The following FDXACB1 variants were observed in gnomAD, a reference collection of about 807,000 sequenced individuals.
The protein encoded by FDXACB1 is ferredoxin-fold anticodon-binding domain-containing protein 1.
FDXACB1 carries 41 observed loss-of-function variants against 51.7 expected under a neutral mutation model. That is an observed-to-expected ratio of 0.79 (90% CI 0.62 to 1.03). The LOEUF (loss-of-function observed/expected upper bound fraction) is 1.03. Among genes scored for constraint, FDXACB1 ranks in the 50% least tolerant of loss-of-function variants. The probability of loss-of-function intolerance (pLI) is 0.00; values close to 1 mark genes in which losing one functional copy is unlikely to be tolerated. For synonymous variants in FDXACB1, 273 were observed against 278.6 expected (o/e 0.98, Z 0.20); for missense variants, 697 against 746.4 (o/e 0.93, Z 0.77).
intron 1 of FDXACB1, 65 bp downstream of exon 1, chr11:111,878,896 C>T (rs782269440): frequency 9.7e-6 from 15 of 1,551,016 alleles, no homozygotes; most frequent in Admixed American, 6.0e-5. Flanking sequence ...CCCACGCCCC[C>T]ACCCTTTCCA....
Position 111,876,907 on chromosome 11 carries a change from C to T in FDXACB1, c.434G>A (p.Trp145Ter). The T allele has an allele frequency of 1.2e-6, 2 of 1,613,134 alleles. No individual in the cohort carries two copies. Among genetic ancestry groups the T allele is most frequent in the Non-Finnish European group, 1.7e-6 (2 of 1,179,492 alleles). Reference sequence around the variant, plus strand: ...CAGGGCTGCCATGGCAACCACTTGCCAACTGTTGTGCCATTCTCTCTGGGG... The same window carrying T: ...CAGGGCTGCCATGGCAACCACTTGCTAACTGTTGTGCCATTCTCTCTGGGG... ...DKPQREWHNSWQVVAMAALGG... is the reference protein window; with the variant it reads ...DKPQREWHNS Residue 145 changes from tryptophan (W) to a stop codon, truncating the protein, a stop_gained, in exon 3 of 5, where the codon TGG becomes TAG. Coordinates refer to ENST00000260257, the MANE Select transcript of FDXACB1 (RefSeq NM_138378.3). LOFTEE classifies it high-confidence loss of function.
chr11:111,875,240 G>A lies in FDXACB1; in HGVS notation c.1557C>T (p.Val519=), dbSNP rs1223783681. Residue 519 remains valine, a synonymous_variant, in exon 5 of 5, where the codon GTC becomes GTT. Coordinates refer to ENST00000260257, the MANE Select transcript of FDXACB1 (RefSeq NM_138378.3). The stretch of plus-strand genomic sequence containing the variant: ...TTTTAAAGGGTTCTATTTTGCCAGG[G>A]ACAAAATTTTTCAGGAAACGGTTAT... The part of the protein sequence containing the change: ...TFDNRFLKNF[V]PGKIEPFKSH... 2 of 1,613,742 alleles carry A rather than the reference G, an allele frequency of 1.2e-6. No homozygotes were observed. Among genetic ancestry groups the A allele is most frequent in the East Asian group, 2.2e-5 (1 of 44,900 alleles).
chr11:111,874,883 C>T lies in FDXACB1; in HGVS notation c.*39G>A, dbSNP rs147879752. On this transcript the variant is annotated 3_prime_UTR_variant, in exon 5 of 5. Coordinates refer to ENST00000260257, the MANE Select transcript of FDXACB1 (RefSeq NM_138378.3). ...GTTGGTAATTTTCCTCCACATCCCC[C>T]GCAATGAAGGATCACACTGCAGAAA... 142 of 1,553,364 alleles carry T rather than the reference C, an allele frequency of 9.1e-5. No homozygotes were observed. The highest frequency in any genetic ancestry group is 1.2e-4 in the Non-Finnish European group (133 of 1,136,848).
intron 4 of FDXACB1, 31 bp downstream of exon 4, chr11:111,876,449 TG>T (rs782052793): frequency 1.9e-6 from 3 of 1,606,148 alleles, no homozygotes; most frequent in Non-Finnish European, 2.6e-6. Context: ...CAACTGGAGA[TG>T]GAAGTGATTT....
intron 3 of FDXACB1, 84 bp from the exon 4 acceptor site, chr11:111,876,723 G>A: frequency 4.4e-6 from 7 of 1,585,926 alleles, no homozygotes; most frequent in Admixed American, 1.8e-5. Context: ...AATTGGCAGG[G>A]CCTATTGAGT....
At chr11:111,877,512 CTTTTT>C (rs35506169) in intron 2 of FDXACB1, among the ~76,000 whole-genome samples, 4 of 106,916 alleles carry the variant, frequency 3.7e-5, no homozygotes, top group Non-Finnish European at 5.6e-5. Flanking sequence ...CTGTTAGTTA[CTTTTT>C]TTTTTTTTTT....
Position 111,875,997 on chromosome 11 carries a change from G to C in FDXACB1, c.800C>G (p.Pro267Arg). 6.2e-7 allele frequency: 1 copy of C among 1,613,982 alleles called. No individual in the cohort carries two copies. Among genetic ancestry groups the C allele is most frequent in the South Asian group, 1.1e-5 (1 of 91,088 alleles). The change falls in exon 5 of 5, where the codon CCT becomes CGT. Residue 267 changes from proline to arginine, a missense_variant. By Grantham distance (103) the Pro-to-Arg change is moderately radical. Transcript: ENST00000260257. ...FPLKRLKCSYPLLPQEGTSVL... is the reference protein window; with the variant it reads ...FPLKRLKCSYRLLPQEGTSVL... The stretch of plus-strand genomic sequence containing the variant: ...ACTGGTACCTTCCTGTGGCAGCAAA[G>C]GGTAGGAACACTTCAGCCTTTTTAG...
At chr11:111,877,465 T>C (rs1338971276) in intron 2 of FDXACB1, among the ~76,000 whole-genome samples, 1 of 152,046 alleles carries the variant, frequency 6.6e-6, no homozygotes. Context: ...TATAATCATG[T>C]AAAGCACTGT....
rs2137342210 is a variant in FDXACB1, at chr11:111,874,593, A to AC, written c.*328dup. On this transcript the variant is annotated 3_prime_UTR_variant, in exon 5 of 5. Coordinates refer to ENST00000260257, the MANE Select transcript of FDXACB1 (RefSeq NM_138378.3). ...GTGAAACCTCGTCTCTACTAAAAAT[A>AC]CAAAAAAAAAAATTAGCCAGGCGTG... 1 of 138,482 alleles carries AC rather than the reference A, an allele frequency of 7.2e-6. No individual in the cohort carries two copies. Among genetic ancestry groups the AC allele is most frequent in the Non-Finnish European group, 1.2e-5 (1 of 80,924 alleles). 8.6% of individuals were successfully genotyped at this position (138,482 alleles called of 1,614,324 possible).
At chr11:111,878,200 A>G (rs1555162484) in intron 2 of FDXACB1, among the ~76,000 whole-genome samples, 2 of 152,104 alleles carry the variant, frequency 1.3e-5, no homozygotes, top group Non-Finnish European at 2.9e-5. Context: ...TCAAAAAATA[A>G]AAATAAATAA....
Position 111,874,282 on chromosome 11 carries a change from G to A in FDXACB1, c.*640C>T, listed in dbSNP as rs553954043. Reference sequence around the variant, plus strand: ...CAGTGTGGAAAACATATTTATATTTGATGAGACACTTAAGTTCTACTGCCT... The same window carrying A: ...CAGTGTGGAAAACATATTTATATTTAATGAGACACTTAAGTTCTACTGCCT... On this transcript the variant is annotated 3_prime_UTR_variant, in exon 5 of 5. Coordinates refer to ENST00000260257, the MANE Select transcript of FDXACB1 (RefSeq NM_138378.3). 6.6e-6 allele frequency: 1 copy of A among 152,274 alleles called. No individual in the cohort carries two copies. The highest frequency in any genetic ancestry group is 2.4e-5 in the African/African-American group (1 of 41,538). The allele number at this position is 152,274 out of a possible 1,614,324, so 9.4% of individuals were successfully genotyped here. A position where few individuals can be genotyped will look rare whatever the true frequency, so the allele number is the denominator to read the frequency against.
Position 111,875,758 on chromosome 11 carries a change from G to A in FDXACB1, c.1039C>T (p.Leu347Phe). Residue 347 changes from leucine to phenylalanine, a missense_variant, in exon 5 of 5, where the codon CTT (leucine) becomes TTT (phenylalanine). Physicochemically the swap from Leu to Phe is conservative, Grantham distance 22. Around this residue, in one of 3 missense-constraint regions of FDXACB1, gnomAD observed 538 missense variants for 592.2 expected, o/e 0.91. Transcript: ENST00000260257. ...EGTCGQAKIC[L>F]RPSLLVHVQD... ...ACATGCACTAGGAGAGAAGGTCTAA[G>A]GCAGATCTTGGCCTGGCCACAGGTT... 6.2e-7 allele frequency: 1 copy of A among 1,613,642 alleles called. No homozygotes were observed. Among genetic ancestry groups the A allele is most frequent in the East Asian group, 2.2e-5 (1 of 44,884 alleles).
intron 2 of FDXACB1, among the ~76,000 whole-genome samples, chr11:111,877,407 T>G (rs1030321649): frequency 1.3e-5 from 2 of 152,226 alleles, no homozygotes; most frequent in Non-Finnish European, 2.9e-5. Flanking sequence ...AAAACTTTAT[T>G]GACAGCTATG....
chr11:111,878,497 C>T (rs1964869717), intron 2 of FDXACB1, 59 bp downstream of exon 2: 3 of 1,494,904 alleles, frequency 2.0e-6, no homozygotes, highest in Admixed American at 2.2e-5. Context: ...TGTTTGGGTA[C>T]AGTAACTATG....
intron 3 of FDXACB1, 46 bp from the exon 4 acceptor site, chr11:111,876,685 G>T (rs781913851): frequency 1.3e-6 from 2 of 1,596,140 alleles, no homozygotes. Flanking sequence ...ATTAAAATAA[G>T]CAAGTATTTT....
rs928989688 is a variant in FDXACB1, at chr11:111,874,862, G to A, written c.*60C>T. On this transcript the variant is annotated 3_prime_UTR_variant, in exon 5 of 5. Coordinates refer to ENST00000260257, the MANE Select transcript of FDXACB1 (RefSeq NM_138378.3). ...AGAAAGGACTACTGGTTGCAAGTTG[G>A]TAATTTTCCTCCACATCCCCCGCAA... is the stretch of plus-strand genomic sequence containing the variant. 18 of 1,475,916 alleles carry A rather than the reference G, an allele frequency of 1.2e-5. No individual in the cohort carries two copies. The East Asian group carries it at 3.5e-4, about 28-fold the overall frequency. The allele number at this position is 1,475,916 out of a possible 1,614,324, so 91.4% of individuals were successfully genotyped here.
rs1490765705 is a variant in FDXACB1, at chr11:111,874,722, C to T, written c.*200G>A. 4 of 565,752 alleles carry T rather than the reference C, an allele frequency of 7.1e-6. No homozygotes were observed. The highest frequency in any genetic ancestry group is 5.8e-5 in the African/African-American group (3 of 51,514). 35.0% of individuals were successfully genotyped at this position (565,752 alleles called of 1,614,324 possible). ...GTGAGCTGATATCATGCCACTGCCA[C>T]TGCACTCCCGCCTGGGCGGCAGAGC... On this transcript the variant is annotated 3_prime_UTR_variant, in exon 5 of 5. Coordinates refer to ENST00000260257, the MANE Select transcript of FDXACB1 (RefSeq NM_138378.3).
At position 111,878,540 on chromosome 11, in the gene FDXACB1, G is replaced by A. The variant is rs1398012262; in HGVS notation, c.329+16C>T. ...CATCTTAAACATTTTCCTTGTGAGG[G>A]CGCTCCTTTCCTCACCTTTGGAAAA... On this transcript the variant is annotated intron_variant, in intron 2 of 4. Coordinates refer to ENST00000260257, the MANE Select transcript of FDXACB1 (RefSeq NM_138378.3). 2 of 1,567,830 alleles carry A rather than the reference G, an allele frequency of 1.3e-6. No individual in the cohort carries two copies. The highest frequency in any genetic ancestry group is 3.8e-5 in the Admixed American group (2 of 52,332).
chr11:111,875,017 T>A lies in FDXACB1; in HGVS notation c.1780A>T (p.Thr594Ser). The A allele has an allele frequency of 6.2e-7, 1 of 1,613,946 alleles. No individual in the cohort carries two copies. The highest frequency in any genetic ancestry group is 1.1e-5 in the South Asian group (1 of 91,084). ...VSLCYRLTYQ[T>S]CDKALTQQQV... ...TGCTGGGTGAGGGCCTTGTCACAGG[T>A]CTGGTAGGTCAATCTATAGCAGAGA... The change falls in exon 5 of 5, where the codon ACC becomes TCC. Residue 594 changes from threonine (T) to serine (S), a missense_variant. Physicochemically the swap from Thr to Ser is moderately conservative, Grantham distance 58. Coordinates refer to ENST00000260257, the MANE Select transcript of FDXACB1 (RefSeq NM_138378.3).
Sources: allele counts gnomAD v4.1 joint callset (sites outside exome capture counted in the v4.1 genomes callset), GRCh38; gene constraint gnomAD v4.1.1; regional missense constraint gnomAD v4.1.1; transcripts MANE v1.5; gene names NCBI Gene and HGNC (gene_info 2026-07-23, HGNC 2026-07-21).